NUDC: variants seen among roughly 807,000 people sequenced by gnomAD.
The protein encoded by NUDC is nuclear distribution C, dynein complex regulator.
Under a neutral mutation model 45.0 loss-of-function variants are expected in NUDC, and 14 were observed. The ratio of observed to expected loss-of-function variants is 0.31; its 90% CI spans 0.21 to 0.49. The LOEUF is 0.49. NUDC is among the 20% of genes least tolerant of loss of function. NUDC has a pLI of 0.99. For missense variants in NUDC, 323 were observed against 426.2 expected (o/e 0.76, Z 2.13); for synonymous variants, 153 against 156.7 (o/e 0.98, Z 0.17).
intron 6 of NUDC, 123 bp from the exon 7 acceptor site, chr1:26,945,267 A>G: frequency 2.6e-6 from 2 of 764,830 alleles, no homozygotes. Context: ...GATCCAGTGT[A>G]GGCCTGCAAG....
chr1:26,934,902 T>C (rs911264016), intron 2 of NUDC, among the ~76,000 whole-genome samples: 1 of 152,224 alleles, frequency 6.6e-6, no homozygotes, highest in South Asian at 2.1e-4. Flanking sequence ...CGTGATCCAC[T>C]TGCCTTGGCC....
upstream of NUDC, among the ~76,000 whole-genome samples, chr1:26,917,127 A>G (rs949571800): frequency 2.0e-5 from 3 of 151,252 alleles, no homozygotes; most frequent in African/African-American, 7.3e-5. Flanking sequence ...ACATGGTGGC[A>G]TGCCCCTGTA....
intron 2 of NUDC, among the ~76,000 whole-genome samples, chr1:26,904,445 C>T (rs142495571): frequency 6.6e-6 from 1 of 152,038 alleles, no homozygotes; most frequent in Non-Finnish European, 1.5e-5. Flanking sequence ...TATTTTTTAG[C>T]GATAGTGTCT....
chr1:26,931,498 C>T (rs1292435896), intron 2 of NUDC, among the ~76,000 whole-genome samples: 2 of 144,954 alleles, frequency 1.4e-5, no homozygotes, highest in East Asian at 2.4e-4. Flanking sequence ...TTTCTCGTAC[C>T]GGTTGGGCAC....
Position 26,907,102 on chromosome 1 carries a change from C to T in NUDC, c.-15-4026C>T, listed in dbSNP as rs527309004. Among the ~76,000 whole-genome samples the T allele has an allele frequency of 8.5e-5, 13 of 152,280 alleles. No individual in the cohort carries two copies. The South Asian group carries it at 2.7e-3, about 32-fold the overall frequency. On this transcript the variant is annotated intron_variant, in intron 2 of 6. Coordinates refer to the NUDC transcript ENST00000435827. ...CCCTGTCATCTCTCCAGGCCCATTT[C>T]CTCCTACCCTGGGCCCCACACATCA...
intron 1 of NUDC, among the ~76,000 whole-genome samples, chr1:26,900,679 A>G (rs2081973965): frequency 6.6e-6 from 1 of 152,208 alleles, no homozygotes; most frequent in Admixed American, 6.5e-5. Context: ...TAAAGCTCTC[A>G]TGAGGACCAA....
intron 2 of NUDC, among the ~76,000 whole-genome samples, chr1:26,907,086 C>G (rs1488466031): frequency 1.3e-5 from 2 of 152,124 alleles, no homozygotes; most frequent in Non-Finnish European, 2.9e-5. Flanking sequence ...TCCCTGTCAT[C>G]TCTCCAGGCC....
chr1:26,921,392 G>C (rs1471047230), upstream of NUDC, among the ~76,000 whole-genome samples: 1 of 152,196 alleles, frequency 6.6e-6, no homozygotes, highest in Non-Finnish European at 1.5e-5. Context: ...GAAGAGATGA[G>C]TAAGGCTACT....
At chr1:26,924,203 GTC>G (rs1473545048) in intron 2 of NUDC, 37 bp downstream of exon 2, 1 of 1,582,240 alleles carries the variant, frequency 6.3e-7, no homozygotes, top group East Asian at 2.2e-5. Flanking sequence ...GGGCGGCTCT[GTC>G]TCTTCAGAAG....
At chr1:26,927,321 T>G in intron 2 of NUDC, among the ~76,000 whole-genome samples, 1 of 139,780 alleles carries the variant, frequency 7.2e-6, no homozygotes, top group East Asian at 2.1e-4. Context: ...CTTGCTCTGT[T>G]GTCCCAGCTG....
At chr1:26,905,725 T>C (rs989269461) in intron 2 of NUDC, among the ~76,000 whole-genome samples, 7 of 152,308 alleles carry the variant, frequency 4.6e-5, no homozygotes, top group East Asian at 1.9e-4. Flanking sequence ...GCTTGCTGCA[T>C]GCAGGAAGAG....
chr1:26,902,671 G>C (rs1190353990), intron 2 of NUDC, among the ~76,000 whole-genome samples: 1 of 151,858 alleles, frequency 6.6e-6, no homozygotes, highest in Non-Finnish European at 1.5e-5. Context: ...GATCACTTGA[G>C]CCCAAGAGAG....
intron 2 of NUDC, chr1:26,902,415 C>G (rs1436315684): frequency 6.6e-6 from 1 of 152,252 alleles, no homozygotes; most frequent in African/African-American, 2.4e-5. Context: ...CCTGATCATC[C>G]CACTTCCTCC....
chr1:26,915,058 CATATAT>C (rs67296768), intron 3 of NUDC, among the ~76,000 whole-genome samples: 1 of 140,538 alleles, frequency 7.1e-6, no homozygotes, highest in Non-Finnish European at 1.5e-5. Flanking sequence ...TACATACATA[CATATAT>C]ATATATATAT....
chr1:26,941,345 C>T, intron 2 of NUDC, 112 bp from the exon 3 acceptor site: 1 of 1,062,930 alleles, frequency 9.4e-7, no homozygotes, highest in African/African-American at 1.6e-5. Context: ...AACCGAGTTT[C>T]TGGGTGCAGT....
At chr1:26,935,170 CAG>C (rs1449030528) in intron 2 of NUDC, among the ~76,000 whole-genome samples, 2 of 151,860 alleles carry the variant, frequency 1.3e-5, no homozygotes, top group East Asian at 1.9e-4. Flanking sequence ...TTAGTAGAGA[CAG>C]GGTTTCACTG....
intron 2 of NUDC, among the ~76,000 whole-genome samples, chr1:26,935,303 A>AGGT (rs2082220009): frequency 6.6e-6 from 1 of 152,102 alleles, no homozygotes; most frequent in Non-Finnish European, 1.5e-5. Flanking sequence ...TTTCTTTATA[A>AGGT]ATTACCCAGT....
upstream of NUDC, chr1:26,921,640 T>C (rs2082091283): frequency 8.4e-6 from 5 of 598,380 alleles, no homozygotes; most frequent in East Asian, 1.4e-4. Flanking sequence ...CGAAGCGGGT[T>C]GCTTGCCGCA....
Position 26,913,602 on chromosome 1 carries a change from C to G in NUDC, c.93+2367C>G, listed in dbSNP as rs143133224. ...GAATCTTCTTGAGTATGCTGGGCAC[C>G]GGGGCCTCAGCCACCTCAAAGGTCA... On this transcript the variant is annotated intron_variant, in intron 3 of 6. Transcript: ENST00000435827. The G allele has an allele frequency of 3.1e-6, 5 of 1,614,060 alleles. No homozygotes were observed. In the South Asian group the frequency reaches 5.5e-5, roughly 18 times the overall value.
Sources: gnomAD v4.1 joint callset for allele counts (sites outside exome capture counted in the v4.1 genomes callset) on GRCh38, gnomAD v4.1.1 for gene constraint, MANE v1.5 for transcripts, NCBI Gene and HGNC (gene_info 2026-07-23, HGNC 2026-07-21) for gene names.